The following RNF213 variants were observed in gnomAD, a reference collection of about 807,000 sequenced individuals.
The protein encoded by RNF213 is E3 ubiquitin-protein ligase RNF213.
Under a neutral mutation model 514.4 loss-of-function variants are expected in RNF213, and 341 were observed. That is an observed-to-expected ratio of 0.66 (90% CI 0.61 to 0.73). The LOEUF (loss-of-function observed/expected upper bound fraction) is 0.73. RNF213 is among the 30% of genes least tolerant of loss of function. The pLI is 0.00. For missense variants in RNF213, 5,767 were observed against 6,615.6 expected (o/e 0.87, Z 4.45); for synonymous variants, 2,655 against 2,658.2 (o/e 1.00, Z 0.04).
intron 13 of RNF213, among the ~76,000 whole-genome samples, chr17:80,307,867 T>C (rs2045426432): frequency 1.3e-5 from 2 of 151,694 alleles, no homozygotes; most frequent in African/African-American, 4.8e-5. Flanking sequence ...TTTTTTTTTT[T>C]TTTTTTTTTA....
At chr17:80,392,908 C>T (rs902860906) in intron 67 of RNF213, among the ~76,000 whole-genome samples, 2 of 152,006 alleles carry the variant, frequency 1.3e-5, no homozygotes, top group African/African-American at 2.4e-5. Context: ...TAAGTCTTAA[C>T]GAGCATTTTG....
intron 8 of RNF213, among the ~76,000 whole-genome samples, chr17:80,293,696 G>A (rs1009527152): frequency 1.3e-5 from 2 of 152,006 alleles, no homozygotes; most frequent in African/African-American, 2.4e-5. Flanking sequence ...TCTTGGCAGC[G>A]GGCGCCTGTA....
In RNF213 at chr17:80,336,436, G is replaced by A. The variant is rs769006355; in HGVS notation, c.4527+58G>A. 18 of 1,425,414 alleles carry A rather than the reference G, an allele frequency of 1.3e-5. 1 individual carries two copies. Among genetic ancestry groups the A allele is most frequent in the African/African-American group, 8.5e-5 (6 of 70,646 alleles). The allele number at this position is 1,425,414 out of a possible 1,614,324, so 88.3% of individuals were successfully genotyped here. On this transcript the variant is annotated intron_variant, in intron 23 of 67. Coordinates refer to ENST00000582970, the MANE Select transcript of RNF213 (RefSeq NM_001256071.3). ...GTTGAATAGAGCATTGCTTAGCAACGTTAGGGCAGTGACTGTGGAAATGGT... is the reference window on the plus strand; with the variant it reads ...GTTGAATAGAGCATTGCTTAGCAACATTAGGGCAGTGACTGTGGAAATGGT...
At position 80,298,262 on chromosome 17, in the gene RNF213, C is replaced by T. The variant is rs901797762; in HGVS notation, c.2013-59C>T. ...TTGCTTCCTGTTGGGACTCCAGACT[C>T]CCAGGGAGATGACTCCCTGGCCAGC... On this transcript the variant is annotated intron_variant, in intron 10 of 67. Transcript: ENST00000582970. 10 of 1,565,964 alleles carry T rather than the reference C, an allele frequency of 6.4e-6. No homozygotes were observed. The Admixed American group carries it at 1.0e-4, about 16-fold the overall frequency.
In RNF213 at chr17:80,386,754, C is replaced by G; in HGVS notation, c.14785C>G (p.Leu4929Val). 4 of 1,614,228 alleles carry G rather than the reference C, an allele frequency of 2.5e-6. No homozygotes were observed. The highest frequency in any genetic ancestry group is 1.6e-4 in the Middle Eastern group (1 of 6,062). ...HVISYEVERDLTPLILSNCQY... is the reference protein window; with the variant it reads ...HVISYEVERDVTPLILSNCQY... ...CATCAGTTATGAAGTGGAGCGGGAC[C>G]TGACTCCACTGATTCTCTCCAACTG... is the stretch of plus-strand genomic sequence containing the variant. Residue 4929 changes from leucine to valine, a missense_variant, in exon 63 of 68, where the codon CTG becomes GTG. Coordinates refer to ENST00000582970, the MANE Select transcript of RNF213 (RefSeq NM_001256071.3).
chr17:80,303,728 A>G (rs1440361156), intron 11 of RNF213, among the ~76,000 whole-genome samples: 1 of 151,468 alleles, frequency 6.6e-6, no homozygotes, highest in African/African-American at 2.4e-5. Context: ...CACACATCAC[A>G]TGTGGCTAAT....
intron 21 of RNF213, chr17:80,333,816 T>C (rs2077906584): frequency 2.6e-6 from 1 of 385,756 alleles, no homozygotes; most frequent in Non-Finnish European, 4.8e-6. Flanking sequence ...GCAACAGTAG[T>C]TACTTGGCAG....
rs1037074579 is a variant in RNF213 at position 80,397,952 on chromosome 17, G to C, written c.*4454G>C. On this transcript the variant is annotated 3_prime_UTR_variant, in exon 68 of 68. Coordinates refer to ENST00000582970, the MANE Select transcript of RNF213 (RefSeq NM_001256071.3). ...GGCAATTGCCCCAGTGGAATGCCTG[G>C]CCAGAGCAGTGTGTAGCAGGCCCCC... 2.7e-5 allele frequency: 4 copies of C among 148,326 alleles called. No homozygotes were observed. Among genetic ancestry groups the C allele is most frequent in the African/African-American group, 1.0e-4 (4 of 40,198 alleles). The allele number at this position is 148,326 out of a possible 1,614,324, so 9.2% of individuals were successfully genotyped here. A position where few individuals can be genotyped will look rare whatever the true frequency, so the allele number is the denominator to read the frequency against.
chr17:80,389,406 C>G (rs2080371147), intron 65 of RNF213, 39 bp downstream of exon 65: 1 of 1,578,134 alleles, frequency 6.3e-7, no homozygotes, highest in South Asian at 1.1e-5. Flanking sequence ...CACAGCCCCT[C>G]ACCCTGGTCT....
At chr17:80,297,805 A>AG (rs1293062693) in intron 10 of RNF213, among the ~76,000 whole-genome samples, 1 of 145,938 alleles carries the variant, frequency 6.9e-6, no homozygotes, top group Non-Finnish European at 1.5e-5. Context: ...AAAAAAAAAA[A>AG]TGTAGCTAGC....
chr17:80,319,139 T>C, intron 16 of RNF213, 51 bp from the exon 17 acceptor site: 1 of 1,614,030 alleles, frequency 6.2e-7, no homozygotes, highest in Non-Finnish European at 8.5e-7. Flanking sequence ...CATAGAGCAC[T>C]GGAGCGCTGC....
At chr17:80,382,654 T>C in intron 57 of RNF213, 1 of 347,420 alleles carries the variant, frequency 2.9e-6, no homozygotes, top group East Asian at 8.5e-5. Context: ...AGGGTTTGGG[T>C]GGCAGCAGCT....
At chr17:80,275,897 T>C (rs1428072655) in intron 3 of RNF213, among the ~76,000 whole-genome samples, 1 of 151,052 alleles carries the variant, frequency 6.6e-6, no homozygotes, top group Non-Finnish European at 1.5e-5. Context: ...CTCCTGACCT[T>C]GTGATCCACC....
Position 80,386,448 on chromosome 17 carries a change from C to T in RNF213, c.14720+18C>T. 6.2e-7 allele frequency: 1 copy of T among 1,613,614 alleles called. No individual in the cohort carries two copies. The highest frequency in any genetic ancestry group is 8.5e-7 in the Non-Finnish European group (1 of 1,179,708). On this transcript the variant is annotated intron_variant, in intron 62 of 67. Coordinates refer to ENST00000582970, the MANE Select transcript of RNF213 (RefSeq NM_001256071.3). ...AACAACAGGTTTGTGCACGAGCCAC[C>T]AGGAAGTGGTGCCTGCTCAGCCCAG...
intron 14 of RNF213, among the ~76,000 whole-genome samples, chr17:80,309,912 C>T (rs1157362267): frequency 2.0e-5 from 3 of 151,996 alleles, no homozygotes; most frequent in Non-Finnish European, 4.4e-5. Flanking sequence ...CCTGCCACCA[C>T]GCCTGGCTAA....
chr17:80,325,119 T>G lies in RNF213; in HGVS notation c.3114T>G (p.Pro1038=). The change falls in exon 18 of 68, where the codon CCT becomes CCG. Residue 1038 remains proline (P), a synonymous_variant. Transcript: ENST00000582970. ...VLSAVITKSW[P]RTADNFDDIL... is the part of the protein sequence containing the mutation. The stretch of plus-strand genomic sequence containing the variant: ...CTGCTGTGATCACTAAGTCCTGGCC[T>G]AGGACCGCGGACAACTTCGATGACA... 2 of 1,537,056 alleles carry G rather than the reference T, an allele frequency of 1.3e-6. No homozygotes were observed. Among genetic ancestry groups the G allele is most frequent in the South Asian group, 2.4e-5 (2 of 84,040 alleles).
At position 80,394,086 on chromosome 17, in the gene RNF213, C is replaced by G. The variant is rs536872282; in HGVS notation, c.*588C>G. On this transcript the variant is annotated 3_prime_UTR_variant, in exon 68 of 68. Coordinates refer to ENST00000582970, the MANE Select transcript of RNF213 (RefSeq NM_001256071.3). ...AACTAACAAGATCTGACCCTCTCCC[C>G]TCACAGTGAGCCACTGCCCCACTTC... 1 of 154,524 alleles carries G rather than the reference C, an allele frequency of 6.5e-6. No individual in the cohort carries two copies. The highest frequency in any genetic ancestry group is 2.0e-4 in the South Asian group (1 of 4,984). 9.6% of individuals were successfully genotyped at this position (154,524 alleles called of 1,614,324 possible). A position where few individuals can be genotyped will look rare whatever the true frequency, so the allele number is the denominator to read the frequency against.
intron 2 of RNF213, among the ~76,000 whole-genome samples, chr17:80,271,135 G>A (rs1036224420): frequency 7.3e-6 from 1 of 136,068 alleles, no homozygotes; most frequent in Admixed American, 7.5e-5. Flanking sequence ...AGGTTGGTGG[G>A]AGGGGCAGGC....
intron 37 of RNF213, among the ~76,000 whole-genome samples, chr17:80,359,634 AGT>A (rs924805491): frequency 6.6e-6 from 1 of 151,450 alleles, no homozygotes; most frequent in Non-Finnish European, 1.5e-5. Context: ...AGAAAGAAAG[AGT>A]GAGAGAAAGA....
Sources: allele counts gnomAD v4.1 joint callset (sites outside exome capture counted in the v4.1 genomes callset), GRCh38; gene constraint gnomAD v4.1.1; transcripts MANE v1.5; gene names NCBI Gene and HGNC (gene_info 2026-07-23, HGNC 2026-07-21).